NREP: variants seen among roughly 807,000 people sequenced by gnomAD.
The protein encoded by NREP is neuronal regeneration-related protein.
NREP carries 5 observed loss-of-function variants against 8.6 expected under a neutral mutation model. That is an observed-to-expected ratio of 0.58 (90% CI 0.30 to 1.22). NREP has a LOEUF of 1.22. Among genes scored for constraint, NREP ranks in the 50% most tolerant of loss-of-function variants. The pLI is 0.07. For missense variants in NREP, 86 were observed against 82.5 expected (o/e 1.04, Z -0.17); for synonymous variants, 27 against 28.0 (o/e 0.96, Z 0.11).
chr5:111,956,827 G>A (rs1756334015), intron 2 of NREP, among the ~76,000 whole-genome samples: 1 of 151,970 alleles, frequency 6.6e-6, no homozygotes, highest in Non-Finnish European at 1.5e-5. Flanking sequence ...AGCCAGGCGT[G>A]GTGGTGTATG....
chr5:111,891,961 A>C (rs865942281), intron 2 of NREP, among the ~76,000 whole-genome samples: 1 of 152,216 alleles, frequency 6.6e-6, no homozygotes, highest in South Asian at 2.1e-4. Context: ...TCATTATGAC[A>C]GTAAGGAGCC....
chr5:111,753,327 A>ATT (rs1351659200), intron 2 of NREP, among the ~76,000 whole-genome samples: 22 of 43,210 alleles, frequency 5.1e-4, no homozygotes, highest in African/African-American at 1.0e-3. Context: ...GCACAAGTTG[A>ATT]TTTTATATAT....
At chr5:111,842,075 A>T (rs767892762) in intron 2 of NREP, among the ~76,000 whole-genome samples, 1 of 151,058 alleles carries the variant, frequency 6.6e-6, no homozygotes, top group Non-Finnish European at 1.5e-5. Context: ...TCATTCTGAC[A>T]TGATTCCCAA....
At chr5:111,776,664 A>G (rs1232039769) in intron 2 of NREP, among the ~76,000 whole-genome samples, 2 of 152,204 alleles carry the variant, frequency 1.3e-5, no homozygotes, top group African/African-American at 2.4e-5. Flanking sequence ...ATCAGTTTAC[A>G]CTACAACATG....
intron 2 of NREP, among the ~76,000 whole-genome samples, chr5:111,933,351 A>C (rs1287977540): frequency 6.6e-6 from 1 of 152,108 alleles, no homozygotes; most frequent in East Asian, 1.9e-4. Context: ...ACATGCTGTC[A>C]TTTAGGTATT....
intron 2 of NREP, among the ~76,000 whole-genome samples, chr5:111,786,046 G>A (rs1212344936): frequency 6.6e-6 from 1 of 152,186 alleles, no homozygotes; most frequent in African/African-American, 2.4e-5. Context: ...TTCCTCAAAA[G>A]CAGCCTCTTT....
intron 2 of NREP, among the ~76,000 whole-genome samples, chr5:111,933,987 G>A (rs1755613430): frequency 6.6e-6 from 1 of 152,106 alleles, no homozygotes; most frequent in Non-Finnish European, 1.5e-5. Context: ...TAGTTTAGGG[G>A]AAGAAGTACA....
chr5:111,890,481 T>C (rs1754367626), intron 2 of NREP, among the ~76,000 whole-genome samples: 1 of 152,238 alleles, frequency 6.6e-6, no homozygotes. Context: ...TTGGAGACTC[T>C]GTGTGTGGCC....
At chr5:111,924,192 C>A (rs1755321424) in intron 2 of NREP, among the ~76,000 whole-genome samples, 1 of 152,120 alleles carries the variant, frequency 6.6e-6, no homozygotes, top group African/African-American at 2.4e-5. Flanking sequence ...CTTTATATCC[C>A]CTATTGGCTA....
At chr5:111,781,180 T>G (rs1561663990) in intron 2 of NREP, among the ~76,000 whole-genome samples, 1 of 152,088 alleles carries the variant, frequency 6.6e-6, no homozygotes, top group Non-Finnish European at 1.5e-5. Flanking sequence ...CAGTGTCTGT[T>G]TGAACCTTGT....
intron 2 of NREP, among the ~76,000 whole-genome samples, chr5:111,954,863 C>T (rs1446675593): frequency 1.3e-5 from 2 of 152,146 alleles, no homozygotes. Flanking sequence ...TTCCAAGCTG[C>T]TCTTTCAATG....
At chr5:111,958,787 C>G (rs1338108164) in intron 2 of NREP, among the ~76,000 whole-genome samples, 2 of 151,832 alleles carry the variant, frequency 1.3e-5, no homozygotes, top group East Asian at 1.9e-4. Flanking sequence ...CACAGACAAG[C>G]TGATTATAAA....
At chr5:111,933,617 C>A (rs545107017) in intron 2 of NREP, among the ~76,000 whole-genome samples, 128 of 152,044 alleles carry the variant, frequency 8.4e-4, no homozygotes, top group Non-Finnish European at 1.6e-3. Context: ...CCATCACTCC[C>A]CAAACTTTCA....
At position 111,790,347 on chromosome 5, in the gene NREP, C is replaced by CTTTTTTTTTTTTTT. The variant is rs57775701; in HGVS notation, c.136-54854_136-54841dup. Among the ~76,000 whole-genome samples, 24 of 59,640 alleles carry CTTTTTTTTTTTTTT rather than the reference C, an allele frequency of 4.0e-4. 2 individuals carry two copies. The highest frequency in any genetic ancestry group is 9.0e-4 in the Admixed American group (3 of 3,332). The allele number at this position is 59,640 out of a possible 152,430, so 39.1% of individuals were successfully genotyped here. A position where few individuals can be genotyped will look rare whatever the true frequency, so the allele number is the denominator to read the frequency against. On this transcript the variant is annotated intron_variant, in intron 2 of 3. Coordinates refer to the NREP transcript ENST00000395634. ...TCACCCTATACTTCAAAAACCTTAACTTTTTTTTTTTTTTTTTTTTTTTTT... is the reference window on the plus strand; with the variant it reads ...TCACCCTATACTTCAAAAACCTTAACTTTTTTTTTTTTTTTTTTTTTTTTTTTTTTTTTTTTTTT...
At chr5:111,800,210 G>C (rs1047588488) in intron 2 of NREP, among the ~76,000 whole-genome samples, 1 of 152,048 alleles carries the variant, frequency 6.6e-6, no homozygotes, top group South Asian at 2.1e-4. Context: ...TTACAGGCGC[G>C]GGCCACCACA....
intron 2 of NREP, among the ~76,000 whole-genome samples, chr5:111,843,160 T>G (rs960204308): frequency 4.6e-5 from 7 of 152,174 alleles, no homozygotes; most frequent in Non-Finnish European, 1.0e-4. Flanking sequence ...CTGCTCCTTT[T>G]AGGACTTTCA....
intron 2 of NREP, among the ~76,000 whole-genome samples, chr5:111,921,415 T>TG (rs1243459698): frequency 6.6e-6 from 1 of 152,122 alleles, no homozygotes; most frequent in African/African-American, 2.4e-5. Flanking sequence ...CTCAGAGGCC[T>TG]GATCAGCTAA....
chr5:111,828,783 C>T (rs1221946372), intron 2 of NREP, among the ~76,000 whole-genome samples: 1 of 152,112 alleles, frequency 6.6e-6, no homozygotes, highest in Non-Finnish European at 1.5e-5. Flanking sequence ...GATATTATTA[C>T]ATTCAACAAA....
chr5:111,885,238 G>A (rs1049464181), intron 2 of NREP, among the ~76,000 whole-genome samples: 1 of 151,222 alleles, frequency 6.6e-6, no homozygotes, highest in African/African-American at 2.4e-5. Context: ...GCTTCAAAGA[G>A]AATAAAATAC....
Sources: gnomAD v4.1 joint callset for allele counts (sites outside exome capture counted in the v4.1 genomes callset) on GRCh38, gnomAD v4.1.1 for gene constraint, MANE v1.5 for transcripts, NCBI Gene and HGNC (gene_info 2026-07-23, HGNC 2026-07-21) for gene names.